SUGCT: variants seen among roughly 807,000 people sequenced by gnomAD.
SUGCT encodes the protein succinyl-CoA:glutarate-CoA transferase.
In SUGCT, 41 loss-of-function variants were observed where a neutral mutation model predicts 55.0. That is an observed-to-expected ratio of 0.74 (90% CI 0.58 to 0.97). The LOEUF (loss-of-function observed/expected upper bound fraction) is 0.97. SUGCT is among the 50% of genes least tolerant of loss of function. The pLI is 0.00. For synonymous variants in SUGCT, 187 were observed against 200.4 expected (o/e 0.93, Z 0.56); for missense variants, 568 against 547.8 (o/e 1.04, Z -0.37).
At chr7:40,923,413 G>C in the SUGCT span, among the ~76,000 whole-genome samples, 1 of 152,154 alleles carries the variant, frequency 6.6e-6, no homozygotes, top group African/African-American at 2.4e-5. Context: ...TTTTTGGCTT[G>C]GTCATTGATA....
At chr7:40,160,401 G>A (rs1784089418) in intron 1 of SUGCT, among the ~76,000 whole-genome samples, 1 of 151,898 alleles carries the variant, frequency 6.6e-6, no homozygotes, top group Non-Finnish European at 1.5e-5. Context: ...GCTAATTTTT[G>A]TGTTTTTAGT....
At chr7:40,361,838 T>C (rs558730240) in intron 9 of SUGCT, among the ~76,000 whole-genome samples, 32 of 152,154 alleles carry the variant, frequency 2.1e-4, no homozygotes, top group African/African-American at 7.7e-4. Context: ...GGTTTTTTTT[T>C]CTGAGGGCAC....
chr7:40,194,789 A>T, intron 5 of SUGCT, 151 bp from the exon 6 acceptor site: 1 of 896,432 alleles, frequency 1.1e-6, no homozygotes. Flanking sequence ...TAAGTAGTTG[A>T]CTAGAACTTC....
chr7:40,533,477 A>G (rs1453610972), intron 12 of SUGCT, among the ~76,000 whole-genome samples: 5 of 152,094 alleles, frequency 3.3e-5, no homozygotes, highest in African/African-American at 1.2e-4. Context: ...ACAGTTTTGT[A>G]GACTTTTTTT....
chr7:40,394,555 T>C (rs559641981), intron 9 of SUGCT, among the ~76,000 whole-genome samples: 1 of 152,352 alleles, frequency 6.6e-6, no homozygotes, highest in East Asian at 1.9e-4. Flanking sequence ...CCAAGTCAAG[T>C]TAATTAACCT....
At chr7:40,680,821 A>T (rs2151885084) in intron 12 of SUGCT, among the ~76,000 whole-genome samples, 1 of 152,306 alleles carries the variant, frequency 6.6e-6, no homozygotes, top group East Asian at 1.9e-4. Context: ...TGGGGTTGGC[A>T]GTCTTCTAAA....
At chr7:40,362,443 G>A (rs114820082) in intron 9 of SUGCT, among the ~76,000 whole-genome samples, 2,470 of 151,826 alleles carry the variant, frequency 0.016, 41 homozygotes, top group African/African-American at 0.05. Flanking sequence ...CAAAAAAAAA[G>A]GTAGTTCAGC....
At chr7:40,550,542 A>C (rs1448240112) in intron 12 of SUGCT, among the ~76,000 whole-genome samples, 1 of 152,216 alleles carries the variant, frequency 6.6e-6, no homozygotes, top group Non-Finnish European at 1.5e-5. Flanking sequence ...CACACATTGA[A>C]GCATTTGTTA....
intron 9 of SUGCT, among the ~76,000 whole-genome samples, chr7:40,426,769 A>C (rs1787607473): frequency 6.6e-6 from 1 of 152,108 alleles, no homozygotes; most frequent in Admixed American, 6.6e-5. Context: ...AGTAGAAAAG[A>C]ATATATATAT....
the SUGCT span, among the ~76,000 whole-genome samples, chr7:40,919,682 G>C: frequency 0.27 from 40,336 of 151,854 alleles, 5,406 homozygotes; most frequent in Middle Eastern, 0.33. Context: ...TGATTGACAG[G>C]TCTCCTTGTT....
At chr7:40,721,682 T>C (rs868234807) in intron 12 of SUGCT, among the ~76,000 whole-genome samples, 1 of 152,218 alleles carries the variant, frequency 6.6e-6, no homozygotes, top group Non-Finnish European at 1.5e-5. Flanking sequence ...CATTCCATAA[T>C]TGACCATTTT....
chr7:40,849,986 T>C (rs911310980), intron 13 of SUGCT, among the ~76,000 whole-genome samples: 1 of 152,108 alleles, frequency 6.6e-6, no homozygotes. Flanking sequence ...TTAGGTGGCA[T>C]TTGACAAATT....
the SUGCT span, among the ~76,000 whole-genome samples, chr7:41,011,294 G>A: frequency 6.6e-6 from 1 of 152,236 alleles, no homozygotes; most frequent in Non-Finnish European, 1.5e-5. Context: ...GGTTTCGTGT[G>A]TACCTACTGT....
intron 12 of SUGCT, among the ~76,000 whole-genome samples, chr7:40,540,811 CCTT>C (rs1366264615): frequency 6.6e-6 from 1 of 152,190 alleles, no homozygotes; most frequent in South Asian, 2.1e-4. Context: ...TGCATTAACA[CCTT>C]CTTCCTTCCC....
At chr7:40,379,414 A>G (rs533736598) in intron 9 of SUGCT, among the ~76,000 whole-genome samples, 97 of 152,342 alleles carry the variant, frequency 6.4e-4, no homozygotes, top group Admixed American at 2.4e-3. Context: ...TTTGAGGCCT[A>G]TAAGTTTTTA....
At chr7:40,252,356 C>T (rs1048061717) in intron 7 of SUGCT, among the ~76,000 whole-genome samples, 4 of 151,578 alleles carry the variant, frequency 2.6e-5, no homozygotes, top group Non-Finnish European at 5.9e-5. Flanking sequence ...TGGGCTCAAG[C>T]GATCTGCCTG....
chr7:40,833,950 C>G (rs1792827255), intron 13 of SUGCT, among the ~76,000 whole-genome samples: 1 of 152,182 alleles, frequency 6.6e-6, no homozygotes, highest in South Asian at 2.1e-4. Context: ...TTGTTTTCAG[C>G]ATTGTTTTAA....
intron 8 of SUGCT, among the ~76,000 whole-genome samples, chr7:40,306,304 CTA>C (rs1485673732): frequency 5.3e-5 from 8 of 152,244 alleles, no homozygotes; most frequent in Non-Finnish European, 7.4e-5. Context: ...TTTTGCATGA[CTA>C]AATTCTCTTT....
intron 1 of SUGCT, among the ~76,000 whole-genome samples, chr7:40,139,156 A>AATCAATCAATC (rs1554344703): frequency 6.7e-6 from 1 of 149,272 alleles, no homozygotes; most frequent in African/African-American, 2.5e-5. Context: ...ATAAATAAAT[A>AATCAATCAATC]AATAAATAAA....
Sources: allele counts gnomAD v4.1 joint callset (sites outside exome capture counted in the v4.1 genomes callset), GRCh38; gene constraint gnomAD v4.1.1; transcripts MANE v1.5; gene names NCBI Gene and HGNC (gene_info 2026-07-23, HGNC 2026-07-21).